The following KLHL5 variants were observed in gnomAD, a reference collection of about 807,000 sequenced individuals.
KLHL5 encodes the protein kelch-like protein 5.
KLHL5 carries 48 observed loss-of-function variants against 77.7 expected under a neutral mutation model. The observed-to-expected ratio is 0.62, with a 90% confidence interval of 0.49 to 0.79. The LOEUF is 0.79. Among genes scored for constraint, KLHL5 ranks in the 30% least tolerant of loss-of-function variants. The pLI is 0.00. For missense variants in KLHL5, 723 were observed against 859.7 expected (o/e 0.84, Z 1.99); for synonymous variants, 260 against 297.0 (o/e 0.88, Z 1.28).
Position 39,115,232 on chromosome 4 carries a change from T to C in KLHL5, c.1975T>C (p.Leu659=). 1 of 1,614,050 alleles carries C rather than the reference T, an allele frequency of 6.2e-7. No homozygotes were observed. Among genetic ancestry groups the C allele is most frequent in the Non-Finnish European group, 8.5e-7 (1 of 1,179,972 alleles). Residue 659 remains leucine (L), a synonymous_variant, in exon 10 of 11, where the codon TTA becomes CTA. Transcript: ENST00000504108. ...CAGCAGAGATGCAGTGGGGGTCTGT[T>C]TACTTGGTGATAAGTTATATGCTGT... ...SISRDAVGVC[L]LGDKLYAVGG... is the part of the protein sequence containing the mutation.
chr4:39,059,815 C>T (rs938287599), upstream of KLHL5, among the ~76,000 whole-genome samples: 4 of 152,128 alleles, frequency 2.6e-5, no homozygotes, highest in South Asian at 2.1e-4. Context: ...ATAAGAATTG[C>T]GTGAACCCAG....
chr4:39,053,305 G>A (rs1341308188), intron 1 of KLHL5, among the ~76,000 whole-genome samples: 1 of 152,122 alleles, frequency 6.6e-6, no homozygotes, highest in Admixed American at 6.5e-5. Flanking sequence ...TGTGATCAGA[G>A]AGCCCAGGCA....
At chr4:39,071,631 G>A (rs761563470) in intron 1 of KLHL5, among the ~76,000 whole-genome samples, 5 of 152,284 alleles carry the variant, frequency 3.3e-5, no homozygotes, top group Non-Finnish European at 7.4e-5. Context: ...CTTCACTAGG[G>A]AATAATATAT....
At chr4:39,139,085 C>T in the KLHL5 span, among the ~76,000 whole-genome samples, 4 of 151,930 alleles carry the variant, frequency 2.6e-5, no homozygotes, top group Admixed American at 6.6e-5. Context: ...AGTTGGAGAC[C>T]GGCCTGTCCA....
At chr4:39,127,716 C>G (rs1315348233), downstream of KLHL5, among the ~76,000 whole-genome samples, 1 of 152,040 alleles carries the variant, frequency 6.6e-6, no homozygotes, top group Non-Finnish European at 1.5e-5. Flanking sequence ...CTTCCCGCCT[C>G]CTCTTCCCAA....
chr4:39,053,989 C>T (rs1161387895), intron 1 of KLHL5, among the ~76,000 whole-genome samples: 1 of 152,148 alleles, frequency 6.6e-6, no homozygotes, highest in Non-Finnish European at 1.5e-5. Context: ...ACTGCAGTTA[C>T]GATGAACTTA....
At chr4:39,065,977 T>TGGTCATGTTTTATC (rs1460638531) in intron 1 of KLHL5, among the ~76,000 whole-genome samples, 17 of 152,342 alleles carry the variant, frequency 1.1e-4, no homozygotes, top group Middle Eastern at 6.8e-3. Flanking sequence ...CAGCGTATGT[T>TGGTCATGTTTTATC]GGTCATGTTT....
rs772619414 is a variant in KLHL5 at position 39,062,503 on chromosome 4, G to T, written c.-150G>T. 1.9e-6 allele frequency: 3 copies of T among 1,597,310 alleles called. No individual in the cohort carries two copies. Among genetic ancestry groups the T allele is most frequent in the Non-Finnish European group, 1.7e-6 (2 of 1,168,404 alleles). On this transcript the variant is annotated 5_prime_UTR_variant, in exon 1 of 11. Transcript: ENST00000504108. ...CTGATATATTGGCATAAAAGTAATTGTAGATATATATATGAATGTGATTTA... is the reference window on the plus strand; with the variant it reads ...CTGATATATTGGCATAAAAGTAATTTTAGATATATATATGAATGTGATTTA...
chr4:39,128,840 C>G (rs1409448545), downstream of KLHL5, among the ~76,000 whole-genome samples: 4 of 152,040 alleles, frequency 2.6e-5, no homozygotes, highest in African/African-American at 9.7e-5. Context: ...ATGGTGTGCA[C>G]CTCTGGTCCC....
chr4:39,068,637 T>C (rs1320798862), intron 1 of KLHL5, among the ~76,000 whole-genome samples: 2 of 152,132 alleles, frequency 1.3e-5, no homozygotes, highest in Non-Finnish European at 1.5e-5. Context: ...GGCTGAAGAA[T>C]TGGCATACGA....
In KLHL5 at chr4:39,086,710, C is replaced by A; in HGVS notation, c.1096C>A (p.Pro366Thr). The A allele has an allele frequency of 2.5e-6, 4 of 1,613,166 alleles. No homozygotes were observed. Among genetic ancestry groups the A allele is most frequent in the Non-Finnish European group, 2.5e-6 (3 of 1,179,298 alleles). ...LSKLLAYIRLPLLAPQFLADM... is the reference protein window; with the variant it reads ...LSKLLAYIRLTLLAPQFLADM... ...TAAACTTTTGGCTTATATTAGGCTACCTCTTCTTGCACCACAGGTAATTAA... is the reference window on the plus strand; with the variant it reads ...TAAACTTTTGGCTTATATTAGGCTAACTCTTCTTGCACCACAGGTAATTAA... The change falls in exon 5 of 11, where the codon CCT becomes ACT. Residue 366 changes from proline (P) to threonine (T), a missense_variant. Around this residue, in one of 3 missense-constraint regions of KLHL5, gnomAD observed 288 missense variants for 400.3 expected, o/e 0.72. Coordinates refer to ENST00000504108, the MANE Select transcript of KLHL5 (RefSeq NM_015990.5).
At chr4:39,105,818 A>G (rs1721992264) in intron 7 of KLHL5, among the ~76,000 whole-genome samples, 1 of 151,906 alleles carries the variant, frequency 6.6e-6, no homozygotes, top group South Asian at 2.1e-4. Context: ...AATATATAAC[A>G]TATGAGTGGA....
rs1717502130 is a variant in KLHL5 at position 39,062,441 on chromosome 4, G to A, written c.-212G>A. ...CTGATTGAACGGAATGTTCCACCGTGTTTCATCTTTATTCATTATCCTTTG... is the reference window on the plus strand; with the variant it reads ...CTGATTGAACGGAATGTTCCACCGTATTTCATCTTTATTCATTATCCTTTG... On this transcript the variant is annotated 5_prime_UTR_variant, in exon 1 of 11. Transcript: ENST00000504108. 1 of 1,532,052 alleles carries A rather than the reference G, an allele frequency of 6.5e-7. No homozygotes were observed. The highest frequency in any genetic ancestry group is 1.4e-5 in the African/African-American group (1 of 72,024). The allele number at this position is 1,532,052 out of a possible 1,614,324, so 94.9% of individuals were successfully genotyped here. A position where few individuals can be genotyped will look rare whatever the true frequency, so the allele number is the denominator to read the frequency against.
intron 9 of KLHL5, among the ~76,000 whole-genome samples, chr4:39,114,680 C>T (rs1364475059): frequency 6.6e-6 from 1 of 152,192 alleles, no homozygotes; most frequent in Non-Finnish European, 1.5e-5. Context: ...TGTTGTACTA[C>T]ACTCAGTGGA....
the KLHL5 span, among the ~76,000 whole-genome samples, chr4:39,139,953 G>A: frequency 8.5e-5 from 13 of 152,108 alleles, no homozygotes; most frequent in Non-Finnish European, 1.5e-4. Context: ...GAGGCTGGGC[G>A]CGGTGGCTCA....
chr4:39,102,933 A>C (rs370267613), intron 6 of KLHL5, among the ~76,000 whole-genome samples: 3 of 152,186 alleles, frequency 2.0e-5, no homozygotes, highest in Non-Finnish European at 2.9e-5. Context: ...TGATCCTTTC[A>C]GTAGGATACT....
Position 39,069,465 on chromosome 4 carries a change from T to C in KLHL5, c.383+6430T>C, listed in dbSNP as rs1448019872. Among the ~76,000 whole-genome samples, 157 of 59,626 alleles carry C rather than the reference T, an allele frequency of 2.6e-3. 2 individuals carry two copies. The highest frequency in any genetic ancestry group is 8.0e-3 in the African/African-American group (151 of 18,772). 39.1% of individuals were successfully genotyped at this position (59,626 alleles called of 152,430 possible). On this transcript the variant is annotated intron_variant, in intron 1 of 10. Transcript: ENST00000504108. ...ATATATATATATATATATATATATA[T>C]ATATATATACACACACACACACACA...
chr4:39,063,056 T>A, intron 1 of KLHL5, 21 bp downstream of exon 1: 1 of 1,584,572 alleles, frequency 6.3e-7, no homozygotes, highest in Non-Finnish European at 8.6e-7. Context: ...TTCTTACTGT[T>A]AGAAAAGGGG....
chr4:39,093,035 A>G, intron 5 of KLHL5: 1 of 452,796 alleles, frequency 2.2e-6, no homozygotes, highest in Non-Finnish European at 4.4e-6. Context: ...ATATCCACAC[A>G]AAGACTTGGA....
Sources: gnomAD v4.1 joint callset for allele counts (sites outside exome capture counted in the v4.1 genomes callset) on GRCh38, gnomAD v4.1.1 for gene constraint, gnomAD v4.1.1 regional missense constraint, MANE v1.5 for transcripts, NCBI Gene and HGNC (gene_info 2026-07-23, HGNC 2026-07-21) for gene names.